The following SPSB1 variants were observed in gnomAD, a reference collection of about 807,000 sequenced individuals.
The protein encoded by SPSB1 is splA/ryanodine receptor domain and SOCS box containing 1, also known as SPRY domain-containing SOCS box protein 1.
SPSB1 carries 8 observed loss-of-function variants against 21.2 expected under a neutral mutation model. The ratio of observed to expected loss-of-function variants is 0.38; its 90% CI spans 0.22 to 0.68. SPSB1 has a LOEUF of 0.68. SPSB1 is among the 30% of genes least tolerant of loss of function. The pLI, the probability that SPSB1 is intolerant of heterozygous loss-of-function variation, is 0.53. For synonymous variants in SPSB1, 169 were observed against 161.7 expected, an observed-to-expected ratio of 1.05 and a Z score of -0.34; for missense variants, 242 against 377.8, an observed-to-expected ratio of 0.64 and a Z score of 2.98.
At chr1:9,351,486 G>A (rs1287330504) in intron 1 of SPSB1, 4 of 152,296 alleles carry the variant, frequency 2.6e-5, no homozygotes, top group East Asian at 1.9e-4. Context: ...ACAGACAAAC[G>A]AGCAGAAGCT....
intron 1 of SPSB1, among the ~76,000 whole-genome samples, chr1:9,307,148 G>A (rs970161620): frequency 2.0e-5 from 3 of 151,974 alleles, no homozygotes; most frequent in South Asian, 2.1e-4. Context: ...GGCCGGTCTC[G>A]AACTCCTGAC....
intron 1 of SPSB1, among the ~76,000 whole-genome samples, chr1:9,312,492 A>G (rs1639537448): frequency 6.6e-6 from 1 of 152,154 alleles, no homozygotes; most frequent in Non-Finnish European, 1.5e-5. Flanking sequence ...ATTAGTGCAC[A>G]CATGTGGTCA....
chr1:9,336,218 A>G (rs909064031), intron 1 of SPSB1, among the ~76,000 whole-genome samples: 3 of 151,980 alleles, frequency 2.0e-5, no homozygotes, highest in African/African-American at 7.2e-5. Context: ...CAAATTTTCT[A>G]ATTTTTCCTC....
chr1:9,299,059 G>A (rs1639272606), intron 1 of SPSB1, among the ~76,000 whole-genome samples: 1 of 152,268 alleles, frequency 6.6e-6, no homozygotes. Flanking sequence ...TTTGGCCTGT[G>A]CAGAAGACAG....
chr1:9,309,851 C>CAGTAG (rs1165797642), intron 1 of SPSB1, among the ~76,000 whole-genome samples: 1 of 152,088 alleles, frequency 6.6e-6, no homozygotes, highest in African/African-American at 2.4e-5. Flanking sequence ...CAAATAAATA[C>CAGTAG]AGTAGAGTAG....
rs1639725565 is a variant in SPSB1 at position 9,321,767 on chromosome 1, A to G, written c.-150+28696A>G. Among the ~76,000 whole-genome samples, 1 of 152,018 alleles carries G rather than the reference A, an allele frequency of 6.6e-6. No homozygotes were observed. The highest frequency in any genetic ancestry group is 2.4e-5 in the African/African-American group (1 of 41,362). On this transcript the variant is annotated intron_variant, in intron 1 of 2. Transcript: ENST00000328089. The surrounding 1 kb of genome is among the most constrained non-coding windows in gnomAD (Gnocchi z 4.8). ...TCACATGACTCTGAGTCGGTGGAGGAGGAGGACTCTGAGAGGCTGGGAGAC... is the reference window on the plus strand; with the variant it reads ...TCACATGACTCTGAGTCGGTGGAGGGGGAGGACTCTGAGAGGCTGGGAGAC...
Position 9,293,185 on chromosome 1 carries a change from T to A in SPSB1, c.-150+114T>A. On this transcript the variant is annotated intron_variant, in intron 1 of 2. Coordinates refer to ENST00000328089, the MANE Select transcript of SPSB1 (RefSeq NM_025106.4). The surrounding 1 kb of genome is among the most constrained non-coding windows in gnomAD (Gnocchi z 5.1). ...GGGATCGCGCCGCTGGGGGACCGAG[T>A]GGGTGGCGCGGGGCCGGGCGCGGGG... The A allele has an allele frequency of 1.1e-6, 1 of 948,040 alleles. No homozygotes were observed. The highest frequency in any genetic ancestry group is 1.2e-6 in the Non-Finnish European group (1 of 802,002). 58.7% of individuals were successfully genotyped at this position (948,040 alleles called of 1,614,324 possible).
At position 9,300,251 on chromosome 1, in the gene SPSB1, G is replaced by T. The variant is rs544108805; in HGVS notation, c.-150+7180G>T. On this transcript the variant is annotated intron_variant, in intron 1 of 2. Coordinates refer to ENST00000328089, the MANE Select transcript of SPSB1 (RefSeq NM_025106.4). ...AAGAAAGAGGCACAATGCCTCGTGGGCCTGTTTGGACTTTGGAGGCAACAC... is the reference window on the plus strand; with the variant it reads ...AAGAAAGAGGCACAATGCCTCGTGGTCCTGTTTGGACTTTGGAGGCAACAC... 1.1e-4 allele frequency among the ~76,000 whole-genome samples: 16 copies of T among 152,288 alleles called. No homozygotes were observed. In the South Asian group the frequency reaches 2.5e-3, roughly 24 times the overall value.
intron 1 of SPSB1, among the ~76,000 whole-genome samples, chr1:9,353,587 C>T (rs11121384): frequency 0.25 from 37,290 of 152,052 alleles, 5,475 homozygotes; most frequent in Non-Finnish European, 0.33. Context: ...AGGAGTCCTG[C>T]CCTGCTCTGA....
At chr1:9,353,582 T>C (rs544374061) in intron 1 of SPSB1, among the ~76,000 whole-genome samples, 2 of 151,368 alleles carry the variant, frequency 1.3e-5, no homozygotes, top group South Asian at 2.1e-4. Context: ...ACACAAGGAG[T>C]CCTGCCCTGC....
chr1:9,352,723 G>A (rs1401907596), intron 1 of SPSB1, among the ~76,000 whole-genome samples: 1 of 151,426 alleles, frequency 6.6e-6, no homozygotes, highest in African/African-American at 2.4e-5. Flanking sequence ...ACCCTCTGAG[G>A]TGTTACTCTC....
chr1:9,309,746 G>T (rs939732622), intron 1 of SPSB1, among the ~76,000 whole-genome samples: 3 of 152,206 alleles, frequency 2.0e-5, no homozygotes, highest in African/African-American at 7.2e-5. Context: ...GGAGGCTGAG[G>T]CAGGAGAATC....
chr1:9,313,277 A>G (rs1216561075), intron 1 of SPSB1, among the ~76,000 whole-genome samples: 2 of 152,066 alleles, frequency 1.3e-5, no homozygotes, highest in African/African-American at 4.8e-5. Flanking sequence ...CCGGGCACCT[A>G]TAATCCCAGC....
Position 9,332,967 on chromosome 1 carries a change from C to G in SPSB1, c.-149-22776C>G, listed in dbSNP as rs1039333647. 1.3e-5 allele frequency among the ~76,000 whole-genome samples: 2 copies of G among 152,232 alleles called. 1 individual carries two copies. The highest frequency in any genetic ancestry group is 4.1e-4 in the South Asian group (2 of 4,832). ...GCTGTGGGTGGTTCTGGCCTGGGCC[C>G]CATCCTGGGCTCCGTGGCTGAGACT... On this transcript the variant is annotated intron_variant, in intron 1 of 2. Transcript: ENST00000328089.
chr1:9,300,349 C>G (rs1245140937), intron 1 of SPSB1, among the ~76,000 whole-genome samples: 1 of 152,150 alleles, frequency 6.6e-6, no homozygotes, highest in Non-Finnish European at 1.5e-5. Flanking sequence ...GAGTGGGGCC[C>G]GTAGCAGAAG....
intron 1 of SPSB1, among the ~76,000 whole-genome samples, chr1:9,340,799 C>G (rs1438473611): frequency 2.0e-5 from 3 of 152,272 alleles, no homozygotes; most frequent in Admixed American, 6.5e-5. Flanking sequence ...AGAGGAAATA[C>G]CTTTCTCAAC....
chr1:9,333,165 C>T (rs1639950254), intron 1 of SPSB1, among the ~76,000 whole-genome samples: 1 of 152,190 alleles, frequency 6.6e-6, no homozygotes, highest in South Asian at 2.1e-4. Flanking sequence ...TTGGTCTGCC[C>T]TGTTCAGTGT....
chr1:9,311,275 C>T (rs1031315002), intron 1 of SPSB1, among the ~76,000 whole-genome samples: 2 of 151,942 alleles, frequency 1.3e-5, no homozygotes, highest in African/African-American at 2.4e-5. Flanking sequence ...ACAGGGCCGA[C>T]CCAGGAGGCT....
At chr1:9,304,282 G>C (rs1302107068) in intron 1 of SPSB1, among the ~76,000 whole-genome samples, 1 of 152,134 alleles carries the variant, frequency 6.6e-6, no homozygotes, top group Non-Finnish European at 1.5e-5. Context: ...CTTCAGACTT[G>C]GCTGAGCCAC....
Sources: gnomAD v4.1 joint callset for allele counts (sites outside exome capture counted in the v4.1 genomes callset) on GRCh38, gnomAD v4.1.1 for gene constraint, Gnocchi (gnomAD v3.1) non-coding constraint, MANE v1.5 for transcripts, NCBI Gene and HGNC (gene_info 2026-07-23, HGNC 2026-07-21) for gene names.